The following COG3 variants were observed in gnomAD, a reference collection of about 807,000 sequenced individuals.
COG3 encodes the protein conserved oligomeric Golgi complex subunit 3.
In COG3, 32 loss-of-function variants were observed where a neutral mutation model predicts 114.1. That is an observed-to-expected ratio of 0.28 (90% confidence interval 0.21 to 0.38). The LOEUF is 0.38. Ranked by LOEUF, COG3 falls within the 10% of genes least tolerant of loss-of-function variation. The pLI, the probability that COG3 is intolerant of heterozygous loss-of-function variation, is 1.00. For synonymous variants in COG3, 352 were observed against 365.7 expected, an observed-to-expected ratio of 0.96 and a Z score of 0.43; for missense variants, 813 against 973.2, an observed-to-expected ratio of 0.84 and a Z score of 2.19.
chr13:45,492,070 C>T (rs1236755640), intron 10 of COG3, 89 bp from the exon 11 acceptor site: 1 of 771,356 alleles, frequency 1.3e-6, no homozygotes, highest in East Asian at 2.7e-5. Context: ...TATGTGTTAT[C>T]TCTGCACATA....
chr13:45,505,121 A>G (rs577187918), intron 14 of COG3, among the ~76,000 whole-genome samples: 6 of 151,204 alleles, frequency 4.0e-5, no homozygotes, highest in Non-Finnish European at 8.8e-5. Flanking sequence ...CAGGAGGTGG[A>G]GGTTGCCATG....
chr13:45,496,846 T>A (rs1201452760), intron 13 of COG3, among the ~76,000 whole-genome samples: 1 of 151,722 alleles, frequency 6.6e-6, no homozygotes, highest in Non-Finnish European at 1.5e-5. Flanking sequence ...GCTAATTTTT[T>A]ATATTTTTAG....
intron 1 of COG3, among the ~76,000 whole-genome samples, chr13:45,467,978 GA>G (rs1299958263): frequency 3.9e-5 from 6 of 152,194 alleles, no homozygotes; most frequent in Non-Finnish European, 8.8e-5. Flanking sequence ...TTTTATGAAA[GA>G]GAACTAGTCT....
intron 14 of COG3, 65 bp from the exon 15 acceptor site, chr13:45,509,627 G>A: frequency 6.3e-7 from 1 of 1,589,086 alleles, no homozygotes; most frequent in South Asian, 1.1e-5. Context: ...TAGTTGCCAT[G>A]TAAATTATTG....
chr13:45,502,338 C>T (rs1385434894), intron 13 of COG3, among the ~76,000 whole-genome samples: 2 of 152,130 alleles, frequency 1.3e-5, no homozygotes, highest in East Asian at 1.9e-4. Flanking sequence ...ATGCTCCCTT[C>T]CCAGTGTAAT....
At position 45,524,966 on chromosome 13, in the gene COG3, C is replaced by G; in HGVS notation, c.2155-10C>G. 1.2e-6 allele frequency: 2 copies of G among 1,611,062 alleles called. No homozygotes were observed. Among genetic ancestry groups the G allele is most frequent in the Non-Finnish European group, 1.7e-6 (2 of 1,178,198 alleles). On this transcript the variant is annotated splice_polypyrimidine_tract_variant and intron_variant, in intron 19 of 22. Transcript: ENST00000349995. ...AATGAAACTTTTTTTCTTTTTGTCT[C>G]CTCTATTAGGTTTCAGCGTTAAAAA...
intron 20 of COG3, among the ~76,000 whole-genome samples, chr13:45,525,599 T>C (rs1485682442): frequency 7.7e-5 from 8 of 103,232 alleles, no homozygotes; most frequent in Admixed American, 5.7e-4. Flanking sequence ...TTACTCTTTC[T>C]TAAATGTAAA....
intron 2 of COG3, among the ~76,000 whole-genome samples, chr13:45,477,345 C>T (rs1593679458): frequency 1.3e-5 from 2 of 151,996 alleles, no homozygotes. Flanking sequence ...GGATGAAACT[C>T]GTACCTGTTC....
At chr13:45,515,505 T>C (rs1451247474) in intron 16 of COG3, among the ~76,000 whole-genome samples, 1 of 152,150 alleles carries the variant, frequency 6.6e-6, no homozygotes, top group Non-Finnish European at 1.5e-5. Flanking sequence ...TATTCAGTAT[T>C]TGAGGATTGG....
chr13:45,497,622 C>T (rs1868953196), intron 13 of COG3, among the ~76,000 whole-genome samples: 1 of 152,040 alleles, frequency 6.6e-6, no homozygotes, highest in African/African-American at 2.4e-5. Flanking sequence ...CCCATCTCTA[C>T]TAAAAATACA....
chr13:45,473,544 A>G (rs1885658802), intron 1 of COG3, among the ~76,000 whole-genome samples: 1 of 152,202 alleles, frequency 6.6e-6, no homozygotes. Context: ...TTTTATTGCT[A>G]ATAAAATATA....
chr13:45,483,020 G>T (rs1359544), intron 6 of COG3, among the ~76,000 whole-genome samples: 15,045 of 152,214 alleles, frequency 0.099, 2,106 homozygotes, highest in African/African-American at 0.31. Flanking sequence ...AAATATGTAT[G>T]GAGCTCCTAC....
chr13:45,478,261 G>A (rs113167297), intron 2 of COG3, among the ~76,000 whole-genome samples: 8,833 of 150,330 alleles, frequency 0.059, 653 homozygotes, highest in African/African-American at 0.17. Context: ...GCGTGATCTC[G>A]GCTCACTGCA....
chr13:45,523,986 A>G (rs1193125254), intron 19 of COG3, among the ~76,000 whole-genome samples: 3 of 152,136 alleles, frequency 2.0e-5, no homozygotes, highest in Admixed American at 2.0e-4. Flanking sequence ...GAGTGAGAGG[A>G]GGAAAGAGGT....
chr13:45,500,094 GTATATATATA>G (rs3083326), intron 13 of COG3, among the ~76,000 whole-genome samples: 9,140 of 114,308 alleles, frequency 0.08, 382 homozygotes, highest in Admixed American at 0.12. Flanking sequence ...GTGTGTGTGT[GTATATATATA>G]TATATATATA....
chr13:45,503,386 T>C (rs1283750881), intron 14 of COG3, 37 bp downstream of exon 14: 1 of 1,150,286 alleles, frequency 8.7e-7, no homozygotes, highest in Non-Finnish European at 1.3e-6. Flanking sequence ...CATTTATTCA[T>C]TTGGGTTAAC....
chr13:45,501,304 A>G (rs1009277829), intron 13 of COG3, among the ~76,000 whole-genome samples: 1 of 152,028 alleles, frequency 6.6e-6, no homozygotes, highest in African/African-American at 2.4e-5. Context: ...TTGTTGATTC[A>G]ATCACTTACT....
rs371976062 is a variant in COG3, at chr13:45,479,025, G to A, written c.342G>A (p.Lys114=). 1 of 1,611,140 alleles carries A rather than the reference G, an allele frequency of 6.2e-7. No individual in the cohort carries two copies. Among genetic ancestry groups the A allele is most frequent in the Non-Finnish European group, 8.5e-7 (1 of 1,178,996 alleles). The change falls in exon 3 of 23, where the codon AAG becomes AAA. Residue 114 remains lysine, a synonymous_variant. Transcript: ENST00000349995. ...TCCAGTTTTTCTCATGGTTTGCAAAGCTGCAAACTCAGATGGATCAAGATG... is the reference window on the plus strand; with the variant it reads ...TCCAGTTTTTCTCATGGTTTGCAAAACTGCAAACTCAGATGGATCAAGATG... The part of the protein sequence containing the change: ...TAQQFFSWFA[K]LQTQMDQDEG...
At chr13:45,530,585 T>TC in intron 21 of COG3, 97 bp from the exon 22 acceptor site, 1 of 768,248 alleles carries the variant, frequency 1.3e-6, no homozygotes, top group Non-Finnish European at 2.3e-6. Flanking sequence ...ATACATCGCT[T>TC]CCACTCGCTT....
Sources: allele counts gnomAD v4.1 joint callset (sites outside exome capture counted in the v4.1 genomes callset), GRCh38; gene constraint gnomAD v4.1.1; transcripts MANE v1.5; gene names NCBI Gene and HGNC (gene_info 2026-07-23, HGNC 2026-07-21).